Variants in HS3ST2 observed in about 807,000 individuals in gnomAD.
HS3ST2 encodes heparan sulfate-glucosamine 3-sulfotransferase 2.
Under a neutral mutation model 26.3 loss-of-function variants are expected in HS3ST2, and 17 were observed. The ratio of observed to expected loss-of-function variants is 0.65; its 90% confidence interval spans 0.44 to 0.97. The LOEUF (loss-of-function observed/expected upper bound fraction) is 0.97, where lower values mean the gene tolerates loss of function less well. Among genes scored for constraint, HS3ST2 ranks in the 50% least tolerant of loss-of-function variants. The probability of loss-of-function intolerance (pLI) is 0.00; values close to 1 mark genes in which losing one functional copy is unlikely to be tolerated. For synonymous variants in HS3ST2, 237 were observed against 219.2 expected (o/e 1.08, Z -0.72); for missense variants, 402 against 501.2 (o/e 0.80, Z 1.89).
chr16:22,877,475 C>T (rs925950608), intron 1 of HS3ST2, among the ~76,000 whole-genome samples: 1 of 152,180 alleles, frequency 6.6e-6, no homozygotes, highest in Non-Finnish European at 1.5e-5. Context: ...CTAGGTTGGC[C>T]TGGCGACTTA....
chr16:22,853,713 G>A (rs1901550564), intron 1 of HS3ST2, among the ~76,000 whole-genome samples: 3 of 152,144 alleles, frequency 2.0e-5, no homozygotes, highest in Admixed American at 2.0e-4. Flanking sequence ...AGAGCATTGT[G>A]GGACAGGCAG....
At chr16:22,842,591 A>C (rs1901374551) in intron 1 of HS3ST2, among the ~76,000 whole-genome samples, 1 of 151,992 alleles carries the variant, frequency 6.6e-6, no homozygotes, top group African/African-American at 2.4e-5. Flanking sequence ...ATCAGAATAC[A>C]TTTTGCTTCC....
rs34248118 is a variant in HS3ST2 at position 22,827,710 on chromosome 16, CTT to C, written c.485+12633_485+12634del. The stretch of plus-strand genomic sequence containing the variant: ...TGTGATAGTATTTCTTTCTTTCTTT[CTT>C]TTTTTTTTTTTTTTTTTGAGACAAG... On this transcript the variant is annotated intron_variant, in intron 1 of 1. Transcript: ENST00000261374. 1.4e-3 allele frequency among the ~76,000 whole-genome samples: 152 copies of C among 108,950 alleles called. 1 individual carries two copies. Among genetic ancestry groups the C allele is most frequent in the East Asian group, 9.9e-3 (36 of 3,644 alleles). 71.5% of individuals were successfully genotyped at this position (108,950 alleles called of 152,430 possible). A position where few individuals can be genotyped will look rare whatever the true frequency, so the allele number is the denominator to read the frequency against.
At chr16:22,889,555 T>C (rs1410218101) in intron 1 of HS3ST2, among the ~76,000 whole-genome samples, 2 of 152,306 alleles carry the variant, frequency 1.3e-5, no homozygotes, top group African/African-American at 4.8e-5. Flanking sequence ...GATGCTCAAT[T>C]GGTAAGTATA....
At chr16:22,883,118 G>A (rs1902013573) in intron 1 of HS3ST2, among the ~76,000 whole-genome samples, 1 of 151,948 alleles carries the variant, frequency 6.6e-6, no homozygotes, top group Non-Finnish European at 1.5e-5. Context: ...TCACTTTATA[G>A]TGCTTGCAGA....
Position 22,814,311 on chromosome 16 carries a change from C to T in HS3ST2, c.-300C>T. 1 of 311,864 alleles carries T rather than the reference C, an allele frequency of 3.2e-6. No homozygotes were observed. The highest frequency in any genetic ancestry group is 5.8e-6 in the Non-Finnish European group (1 of 171,742). 19.3% of individuals were successfully genotyped at this position (311,864 alleles called of 1,614,324 possible). The stretch of plus-strand genomic sequence containing the variant: ...CTTCGGGCGCTGGGCGCGCTCCGAA[C>T]CCGGCGCACGTAAGAGCCTGGGAGC... On this transcript the variant is annotated 5_prime_UTR_variant, in exon 1 of 2. Transcript: ENST00000261374.
intron 1 of HS3ST2, among the ~76,000 whole-genome samples, chr16:22,819,435 A>G (rs575118241): frequency 1.3e-5 from 2 of 152,334 alleles, no homozygotes; most frequent in East Asian, 3.9e-4. Context: ...TCTTTTATAA[A>G]CAGATATAAG....
chr16:22,880,060 G>C (rs1391790485), intron 1 of HS3ST2, among the ~76,000 whole-genome samples: 1 of 152,200 alleles, frequency 6.6e-6, no homozygotes, highest in East Asian at 1.9e-4. Flanking sequence ...GTATTGGAGA[G>C]TAATCAAACC....
chr16:22,896,150 A>T (rs543058019), intron 1 of HS3ST2, among the ~76,000 whole-genome samples: 27 of 152,230 alleles, frequency 1.8e-4, no homozygotes, highest in African/African-American at 6.3e-4. Flanking sequence ...ATTAGAAGCT[A>T]CATGTATTAT....
chr16:22,817,472 A>G (rs1399063444), intron 1 of HS3ST2, among the ~76,000 whole-genome samples: 1 of 152,220 alleles, frequency 6.6e-6, no homozygotes, highest in Non-Finnish European at 1.5e-5. Context: ...CCTCCAGAAC[A>G]TCTTTCTGTA....
intron 1 of HS3ST2, among the ~76,000 whole-genome samples, chr16:22,822,417 C>T (rs573098033): frequency 6.6e-6 from 1 of 152,298 alleles, no homozygotes; most frequent in East Asian, 1.9e-4. Context: ...ATCCTTCTGC[C>T]TCCACCTCCT....
chr16:22,857,429 G>A (rs774556668), intron 1 of HS3ST2, among the ~76,000 whole-genome samples: 6 of 152,094 alleles, frequency 3.9e-5, no homozygotes, highest in Non-Finnish European at 5.9e-5. Context: ...ATTTTAAAGC[G>A]TAAACAGTGG....
At chr16:22,902,801 C>T (rs2141205069) in intron 1 of HS3ST2, among the ~76,000 whole-genome samples, 1 of 152,106 alleles carries the variant, frequency 6.6e-6, no homozygotes, top group African/African-American at 2.4e-5. Context: ...AGAGATTTAT[C>T]TTTTCATATG....
At chr16:22,818,658 T>C (rs898460116) in intron 1 of HS3ST2, among the ~76,000 whole-genome samples, 1 of 145,490 alleles carries the variant, frequency 6.9e-6, no homozygotes, top group African/African-American at 2.7e-5. Context: ...CTTCTCCTTT[T>C]CCTTCCTTCC....
At chr16:22,862,625 G>A (rs1279211909) in intron 1 of HS3ST2, among the ~76,000 whole-genome samples, 4 of 152,168 alleles carry the variant, frequency 2.6e-5, no homozygotes, top group African/African-American at 9.7e-5. Flanking sequence ...AACCTGGATG[G>A]CAAACCAGCC....
intron 1 of HS3ST2, among the ~76,000 whole-genome samples, chr16:22,877,791 G>A (rs138695185): frequency 9.8e-5 from 15 of 152,324 alleles, no homozygotes; most frequent in African/African-American, 3.4e-4. Context: ...TTACCCTCAA[G>A]GTGTTGCTTG....
chr16:22,873,078 G>A (rs962049586), intron 1 of HS3ST2, among the ~76,000 whole-genome samples: 1 of 152,210 alleles, frequency 6.6e-6, no homozygotes, highest in Non-Finnish European at 1.5e-5. Context: ...TAGAGTTGAG[G>A]ATTAAATTAT....
chr16:22,829,506 A>G (rs2238480), intron 1 of HS3ST2, among the ~76,000 whole-genome samples: 19,730 of 152,116 alleles, frequency 0.13, 1,351 homozygotes, highest in Middle Eastern at 0.22. Context: ...AAAGTTGAAT[A>G]TGGCATTTTA....
At chr16:22,913,399 A>T (rs563267168) in intron 1 of HS3ST2, among the ~76,000 whole-genome samples, 54 of 152,270 alleles carry the variant, frequency 3.5e-4, no homozygotes, top group African/African-American at 1.3e-3. Flanking sequence ...AGGAAATTAA[A>T]AAGCAAGGGA....
Sources: gnomAD v4.1 joint callset for allele counts (sites outside exome capture counted in the v4.1 genomes callset) on GRCh38, gnomAD v4.1.1 for gene constraint, MANE v1.5 for transcripts, NCBI Gene and HGNC (gene_info 2026-07-23, HGNC 2026-07-21) for gene names.